The following MYH10 variants were observed in gnomAD, a reference collection of about 807,000 sequenced individuals.
MYH10 encodes the protein myosin-10.
A neutral mutation model predicts 257.8 loss-of-function variants in MYH10; 55 were observed. The ratio of observed to expected loss-of-function variants is 0.21; its 90% CI spans 0.17 to 0.27. The LOEUF is 0.27. Among genes scored for constraint, MYH10 ranks in the 10% least tolerant of loss-of-function variants. The pLI is 1.00. For synonymous variants in MYH10, 854 were observed against 921.7 expected (o/e 0.93, Z 1.33); for missense variants, 1,631 against 2,500.6 (o/e 0.65, Z 7.42).
At chr17:8,500,419 A>G (rs1361421490) in intron 29 of MYH10, among the ~76,000 whole-genome samples, 2 of 152,194 alleles carry the variant, frequency 1.3e-5, no homozygotes, top group Non-Finnish European at 2.9e-5. Context: ...GCAGGGAAGG[A>G]CAAGAAGGGA....
At position 8,535,872 on chromosome 17, in the gene MYH10, T is replaced by G. The variant is rs113925600; in HGVS notation, c.1665A>C (p.Thr555=). ...CCAGTTTTTCAACAAAGGTTTTATC[T>G]GTGGCTTTAGGGAACCAGCATTCTT... is the stretch of plus-strand genomic sequence containing the variant. ...LDEECWFPKA[T]DKTFVEKLVQ... The change falls in exon 15 of 43, where the codon ACA becomes ACC. Residue 555 remains threonine (T), a synonymous_variant. Coordinates refer to ENST00000360416, the MANE Select transcript of MYH10 (RefSeq NM_001256012.3). This position sits in a 1 kb window ranked among gnomAD's most constrained non-coding sequence, Gnocchi z 4.3. The G allele has an allele frequency of 1.2e-6, 2 of 1,614,212 alleles. No individual in the cohort carries two copies. Among genetic ancestry groups the G allele is most frequent in the African/African-American group, 2.7e-5 (2 of 75,068 alleles).
chr17:8,551,437 A>AAT (rs2082641812), intron 9 of MYH10, among the ~76,000 whole-genome samples: 1 of 152,178 alleles, frequency 6.6e-6, no homozygotes, highest in African/African-American at 2.4e-5. Context: ...ATATCTAGAT[A>AAT]ATATATATAA....
At chr17:8,617,132 A>C (rs1479728494) in intron 2 of MYH10, among the ~76,000 whole-genome samples, 4 of 152,018 alleles carry the variant, frequency 2.6e-5, no homozygotes, top group African/African-American at 9.7e-5. Flanking sequence ...ATTGAGGCTG[A>C]CCCTAAGAAA....
rs184005169 is a variant in MYH10 at position 8,619,046 on chromosome 17, T to C, written c.345+3856A>G. On this transcript the variant is annotated intron_variant, in intron 2 of 42. Coordinates refer to ENST00000360416, the MANE Select transcript of MYH10 (RefSeq NM_001256012.3). Reference sequence around the variant, plus strand: ...TGAAAATAGCATTCTACTTAAAAAGTAGCAAGTTTAGCTTGCAACTCAAAT... The same window carrying C: ...TGAAAATAGCATTCTACTTAAAAAGCAGCAAGTTTAGCTTGCAACTCAAAT... Among the ~76,000 whole-genome samples the C allele has an allele frequency of 2.0e-5, 3 of 152,342 alleles. No homozygotes were observed. In the East Asian group the frequency reaches 5.8e-4, roughly 29 times the overall value.
intron 1 of MYH10, among the ~76,000 whole-genome samples, chr17:8,624,960 T>C (rs1335340985): frequency 1.3e-5 from 2 of 152,094 alleles, no homozygotes; most frequent in Non-Finnish European, 2.9e-5. Flanking sequence ...AATAATTTAC[T>C]AGAACCAGCT....
chr17:8,514,376 A>G (rs904306009), intron 21 of MYH10, among the ~76,000 whole-genome samples: 3 of 152,156 alleles, frequency 2.0e-5, no homozygotes, highest in South Asian at 2.1e-4. Flanking sequence ...ACTTTGCCGC[A>G]ATGGAGCGCA....
chr17:8,479,155 A>G (rs959789678), intron 40 of MYH10, among the ~76,000 whole-genome samples: 1 of 152,170 alleles, frequency 6.6e-6, no homozygotes, highest in Non-Finnish European at 1.5e-5. Flanking sequence ...GAAACAACCC[A>G]ATTTATTAAG....
chr17:8,479,271 T>C (rs1015374054), intron 40 of MYH10, among the ~76,000 whole-genome samples: 1 of 151,992 alleles, frequency 6.6e-6, no homozygotes, highest in East Asian at 1.9e-4. Flanking sequence ...ACTCCCTCTT[T>C]GGTTAGAGGT....
chr17:8,541,097 G>A (rs1240242208), intron 14 of MYH10, among the ~76,000 whole-genome samples: 2 of 152,114 alleles, frequency 1.3e-5, no homozygotes, highest in Non-Finnish European at 2.9e-5. Context: ...TCTCTAATAG[G>A]GGTGAATGTC....
intron 14 of MYH10, among the ~76,000 whole-genome samples, chr17:8,540,744 C>T (rs1432950355): frequency 6.6e-6 from 1 of 152,118 alleles, no homozygotes; most frequent in African/African-American, 2.4e-5. Flanking sequence ...TCTCAAAAAA[C>T]ATATCATATA....
At chr17:8,563,188 C>T (rs2083053282) in intron 7 of MYH10, among the ~76,000 whole-genome samples, 1 of 152,204 alleles carries the variant, frequency 6.6e-6, no homozygotes, top group South Asian at 2.1e-4. Flanking sequence ...TGAGCTAGCA[C>T]TTAATCCAAA....
In MYH10 at chr17:8,545,142, C is replaced by T. The variant is rs764684257; in HGVS notation, c.1431+306G>A. ...ACCACTGGAATTACTCTCATTATGC[C>T]GGGAAACTGACCGAGGCTGGCAGCT... is the stretch of plus-strand genomic sequence containing the variant. On this transcript the variant is annotated intron_variant, in intron 13 of 42. Coordinates refer to ENST00000360416, the MANE Select transcript of MYH10 (RefSeq NM_001256012.3). This position sits in a 1 kb window ranked among gnomAD's most constrained non-coding sequence, Gnocchi z 4.7. Among the ~76,000 whole-genome samples the T allele has an allele frequency of 3.9e-5, 6 of 152,216 alleles. No homozygotes were observed. The highest frequency in any genetic ancestry group is 1.9e-4 in the East Asian group (1 of 5,198).
At chr17:8,503,540 C>T (rs925022805) in intron 28 of MYH10, among the ~76,000 whole-genome samples, 8 of 152,148 alleles carry the variant, frequency 5.3e-5, no homozygotes, top group Non-Finnish European at 1.2e-4. Flanking sequence ...ACTGCTCTAT[C>T]GAGCCGGCCT....
At chr17:8,549,409 G>A (rs1396708123) in intron 9 of MYH10, among the ~76,000 whole-genome samples, 1 of 152,198 alleles carries the variant, frequency 6.6e-6, no homozygotes, top group African/African-American at 2.4e-5. Context: ...CTGTACCGTA[G>A]GAGACATGAA....
chr17:8,492,748 A>C (rs1915980289), intron 33 of MYH10, 28 bp downstream of exon 33: 3 of 1,608,066 alleles, frequency 1.9e-6, no homozygotes, highest in Non-Finnish European at 2.5e-6. Flanking sequence ...GAGCTCTGCC[A>C]GGAGGAAACG....
In MYH10 at chr17:8,546,437, G is replaced by A. The variant is rs559192018; in HGVS notation, c.1278+107C>T. The A allele has an allele frequency of 2.4e-4, 210 of 890,704 alleles. 2 individuals carry two copies. In the South Asian group the frequency reaches 3.7e-3, roughly 16 times the overall value. The allele number at this position is 890,704 out of a possible 1,614,324, so 55.2% of individuals were successfully genotyped here. A position where few individuals can be genotyped will look rare whatever the true frequency, so the allele number is the denominator to read the frequency against. ...TCATTTAGTACCTAAAAACACCCATGTAAGACAGTTTATATTGATTCAGTT... is the reference window on the plus strand; with the variant it reads ...TCATTTAGTACCTAAAAACACCCATATAAGACAGTTTATATTGATTCAGTT... On this transcript the variant is annotated intron_variant, in intron 12 of 42. Transcript: ENST00000360416.
At chr17:8,593,499 A>G (rs558171403) in intron 3 of MYH10, among the ~76,000 whole-genome samples, 1 of 152,288 alleles carries the variant, frequency 6.6e-6, no homozygotes, top group South Asian at 2.1e-4. Flanking sequence ...GTCAATGTAT[A>G]TTTTAAATAT....
chr17:8,546,716 C>T (rs1244534939), intron 11 of MYH10, 54 bp from the exon 12 acceptor site: 8 of 1,248,522 alleles, frequency 6.4e-6, no homozygotes, highest in East Asian at 4.7e-5. Context: ...AATCTACTCA[C>T]AATATATTCA....
rs2083857262 is a variant in MYH10, at chr17:8,585,221, CAT to C, written c.530+3858_530+3859del. 7.3e-5 allele frequency among the ~76,000 whole-genome samples: 4 copies of C among 54,790 alleles called. No homozygotes were observed. In the South Asian group the frequency reaches 2.8e-3, roughly 38 times the overall value. 35.9% of individuals were successfully genotyped at this position (54,790 alleles called of 152,430 possible). Reference sequence around the variant, plus strand: ...ATATATATATATGTGTGTGTGTGTACATATATGTGTGTGTATATATGTGTATA... The same window carrying C: ...ATATATATATATGTGTGTGTGTGTACATATGTGTGTGTATATATGTGTATA... On this transcript the variant is annotated intron_variant, in intron 4 of 42. Transcript: ENST00000360416.
Sources: allele counts gnomAD v4.1 joint callset (sites outside exome capture counted in the v4.1 genomes callset), GRCh38; gene constraint gnomAD v4.1.1; non-coding constraint Gnocchi (gnomAD v3.1); transcripts MANE v1.5; gene names NCBI Gene and HGNC (gene_info 2026-07-23, HGNC 2026-07-21).